IL31RA: variants seen among roughly 807,000 people sequenced by gnomAD.
The protein encoded by IL31RA is interleukin 31 receptor A, also known as interleukin-31 receptor subunit alpha.
IL31RA carries 66 observed loss-of-function variants against 83.7 expected under a neutral mutation model. That is an observed-to-expected ratio of 0.79 (90% CI 0.65 to 0.97). IL31RA has a LOEUF of 0.97. Among genes scored for constraint, IL31RA ranks in the 50% least tolerant of loss-of-function variants. The pLI is 0.00. For missense variants in IL31RA, 798 were observed against 919.4 expected (o/e 0.87, Z 1.71); for synonymous variants, 325 against 329.0 (o/e 0.99, Z 0.13).
chr5:55,914,902 G>A lies in IL31RA; in HGVS notation c.1792G>A (p.Ala598Thr). The stretch of plus-strand genomic sequence containing the variant: ...TCCCAACCCTGCTGAAAGTAGTATA[G>A]CCACATGGCATGGAGATGATTTCAA... ...TVPNPAESSI[A>T]TWHGDDFKDK... The change falls in exon 14 of 15, where the codon GCC (alanine) becomes ACC (threonine). Residue 598 changes from alanine (A) to threonine (T), a missense_variant. Ala to Thr is a moderately conservative substitution (Grantham distance 58, BLOSUM62 0). Coordinates refer to ENST00000652347, the MANE Select transcript of IL31RA (RefSeq NM_139017.7). 6.2e-7 allele frequency: 1 copy of A among 1,613,428 alleles called. No individual in the cohort carries two copies.
upstream of IL31RA, among the ~76,000 whole-genome samples, chr5:55,850,440 C>T (rs1745025187): frequency 6.6e-6 from 1 of 152,182 alleles, no homozygotes; most frequent in Non-Finnish European, 1.5e-5. Flanking sequence ...GACTTCAGCT[C>T]TCATATTTTG....
chr5:55,900,184 AAGG>A, intron 8 of IL31RA, 52 bp downstream of exon 8: 3 of 1,310,052 alleles, frequency 2.3e-6, no homozygotes, highest in Non-Finnish European at 3.3e-6. Context: ...TCAATTGGCC[AAGG>A]AGCAGTCCCT....
rs1031897079 is a variant in IL31RA, at chr5:55,868,888, G to C, written c.252G>C (p.Gln84His). Reference protein sequence around the residue: ...WSPGKETSYTQYTVKRTYAFG... With the variant: ...WSPGKETSYTHYTVKRTYAFG... ...CAGGAAAGGAAACCAGTTATACCCA[G>C]TACACAGTTAAGAGAACTTAGTAAG... Residue 84 changes from glutamine to histidine, a missense_variant, in exon 3 of 15, where the codon CAG becomes CAC. Physicochemically the swap from Gln to His is conservative, Grantham distance 24 (BLOSUM62 0). Transcript: ENST00000652347. The C allele has an allele frequency of 3.2e-6, 5 of 1,576,198 alleles. No individual in the cohort carries two copies. Among genetic ancestry groups the C allele is most frequent in the Non-Finnish European group, 4.4e-6 (5 of 1,145,686 alleles).
intron 5 of IL31RA, among the ~76,000 whole-genome samples, chr5:55,885,967 A>C (rs990498999): frequency 6.6e-6 from 1 of 152,190 alleles, no homozygotes; most frequent in Non-Finnish European, 1.5e-5. Flanking sequence ...GTGCAGAGTT[A>C]CTACAGCTGC....
the IL31RA span, among the ~76,000 whole-genome samples, chr5:55,841,493 G>A: frequency 6.6e-6 from 1 of 152,224 alleles, no homozygotes; most frequent in Admixed American, 6.5e-5. Flanking sequence ...TCCACAGGCA[G>A]GGACTTAATA....
chr5:55,913,527 A>G lies in IL31RA; in HGVS notation c.1693A>G (p.Ile565Val). 1.2e-6 allele frequency: 2 copies of G among 1,613,620 alleles called. No homozygotes were observed. The highest frequency in any genetic ancestry group is 1.7e-5 in the Admixed American group (1 of 60,012). ...ITSLIGGGLL[I>V]LIILTVAYGL... Reference sequence around the variant, plus strand: ...TTCTCTGATTGGTGGAGGCCTTCTTATTCTCATTATCCTGACAGTGGCATA... The same window carrying G: ...TTCTCTGATTGGTGGAGGCCTTCTTGTTCTCATTATCCTGACAGTGGCATA... The change falls in exon 13 of 15, where the codon ATT becomes GTT. Residue 565 changes from isoleucine to valine, a missense_variant. By Grantham distance (29) the Ile-to-Val change is conservative. Transcript: ENST00000652347.
At chr5:55,867,136 CAT>C (rs1561542928) in intron 2 of IL31RA, among the ~76,000 whole-genome samples, 4 of 45,118 alleles carry the variant, frequency 8.9e-5, no homozygotes, top group Non-Finnish European at 1.7e-4. Flanking sequence ...TGTGTGTGTG[CAT>C]GTGTGTGTGC....
intron 4 of IL31RA, among the ~76,000 whole-genome samples, chr5:55,880,262 T>C (rs1747120660): frequency 6.6e-6 from 1 of 152,188 alleles, no homozygotes. Flanking sequence ...GTACAAATTA[T>C]TTTTTGAGTA....
chr5:55,879,424 C>CCTTTTTTTT (rs1747054706), intron 4 of IL31RA, among the ~76,000 whole-genome samples: 1 of 31,896 alleles, frequency 3.1e-5, no homozygotes, highest in Non-Finnish European at 5.7e-5. Flanking sequence ...CAGTTTCTGT[C>CCTTTTTTTT]CTTTTTTTTT....
At chr5:55,890,238 C>A in intron 6 of IL31RA, 103 bp downstream of exon 6, 1 of 1,200,816 alleles carries the variant, frequency 8.3e-7, no homozygotes, top group Non-Finnish European at 1.2e-6. Flanking sequence ...ATCATGGAAT[C>A]TCATGACCCC....
At chr5:55,908,756 C>T in intron 11 of IL31RA, 1 of 1,433,276 alleles carries the variant, frequency 7.0e-7, no homozygotes, top group Non-Finnish European at 9.1e-7. Flanking sequence ...GAGGAACAGA[C>T]CCTGTCACCA....
chr5:55,877,150 C>T (rs1272511298), intron 4 of IL31RA, among the ~76,000 whole-genome samples: 1 of 151,640 alleles, frequency 6.6e-6, no homozygotes, highest in Non-Finnish European at 1.5e-5. Flanking sequence ...TTTGAGATTA[C>T]CATGGGGACT....
intron 2 of IL31RA, among the ~76,000 whole-genome samples, chr5:55,864,303 A>ACACACACACACCACACATATACAT (rs1745875332): frequency 6.7e-6 from 1 of 149,558 alleles, no homozygotes; most frequent in Admixed American, 6.8e-5. Context: ...ACACACACAC[A>ACACACACACACCACACATATACAT]CACACACACC....
intron 2 of IL31RA, among the ~76,000 whole-genome samples, chr5:55,865,779 C>T (rs926505559): frequency 6.6e-6 from 1 of 152,152 alleles, no homozygotes; most frequent in African/African-American, 2.4e-5. Context: ...AATTTGTTAA[C>T]GTTGTGTCAT....
At chr5:55,840,095 C>T in the IL31RA span, 2 of 332,766 alleles carry the variant, frequency 6.0e-6, no homozygotes, top group Non-Finnish European at 1.2e-5. Context: ...AAGAAATGGC[C>T]CACTTCTTAA....
At chr5:55,855,742 A>G (rs1405282322) in intron 1 of IL31RA, among the ~76,000 whole-genome samples, 1 of 152,226 alleles carries the variant, frequency 6.6e-6, no homozygotes, top group African/African-American at 2.4e-5. Flanking sequence ...AGCGTTTCCC[A>G]GCAGAGGCAG....
intron 6 of IL31RA, among the ~76,000 whole-genome samples, chr5:55,891,034 A>T (rs1490282359): frequency 6.6e-6 from 1 of 152,208 alleles, no homozygotes; most frequent in Non-Finnish European, 1.5e-5. Flanking sequence ...ATTTTTTAGT[A>T]TTATTTTAAA....
rs767632099 is a variant in IL31RA, at chr5:55,910,686, T to C, written c.1642+14T>C. Reference sequence around the variant, plus strand: ...CATTGTCATTCAGTGAGTATTTCCTTCAAGCCTTAGGTACCTCTCCCTCAC... The same window carrying C: ...CATTGTCATTCAGTGAGTATTTCCTCCAAGCCTTAGGTACCTCTCCCTCAC... On this transcript the variant is annotated intron_variant, in intron 12 of 14. Coordinates refer to ENST00000652347, the MANE Select transcript of IL31RA (RefSeq NM_139017.7). The C allele has an allele frequency of 8.1e-6, 13 of 1,613,894 alleles. No homozygotes were observed. Among genetic ancestry groups the C allele is most frequent in the Non-Finnish European group, 1.0e-5 (12 of 1,179,896 alleles).
chr5:55,894,270 C>T (rs1215095792), intron 6 of IL31RA, among the ~76,000 whole-genome samples: 1 of 152,084 alleles, frequency 6.6e-6, no homozygotes, highest in Non-Finnish European at 1.5e-5. Flanking sequence ...ACTTTGTAGT[C>T]CTGTACAAAG....
Sources: allele counts gnomAD v4.1 joint callset (sites outside exome capture counted in the v4.1 genomes callset), GRCh38; gene constraint gnomAD v4.1.1; transcripts MANE v1.5; gene names NCBI Gene and HGNC (gene_info 2026-07-23, HGNC 2026-07-21).